CFAP46: variants seen among roughly 807,000 people sequenced by gnomAD.
CFAP46 encodes the protein cilia- and flagella-associated protein 46.
CFAP46 carries 245 observed loss-of-function variants against 325.7 expected under a neutral mutation model. That is an observed-to-expected ratio of 0.75 (90% CI 0.68 to 0.84). The LOEUF is 0.84. Ranked by LOEUF, CFAP46 falls within the 40% of genes least tolerant of loss-of-function variation. The pLI is 0.00. For missense variants in CFAP46, 3,346 were observed against 3,543.0 expected (o/e 0.94, Z 1.41); for synonymous variants, 1,523 against 1,495.9 (o/e 1.02, Z -0.42).
chr10:132,890,625 C>G (rs981289083), intron 25 of CFAP46, among the ~76,000 whole-genome samples: 1 of 152,176 alleles, frequency 6.6e-6, no homozygotes, highest in Non-Finnish European at 1.5e-5. Context: ...TCTCCAAAAC[C>G]CTCGAGACCC....
At chr10:132,874,903 G>A (rs889023094) in intron 31 of CFAP46, among the ~76,000 whole-genome samples, 10 of 152,156 alleles carry the variant, frequency 6.6e-5, no homozygotes, top group East Asian at 5.8e-4. Context: ...ACCTCATACC[G>A]GAGGTCCTTG....
Position 132,899,658 on chromosome 10 carries a change from G to A in CFAP46, c.2933C>T (p.Ser978Phe). The change falls in exon 23 of 58, where the codon TCC (serine) becomes TTC (phenylalanine). Residue 978 changes from serine to phenylalanine, a missense_variant. By Grantham distance (155) the Ser-to-Phe change is radical (BLOSUM62 -2). Transcript: ENST00000368586. ...KYLKKFGPEESRLVAEMLCTA... is the reference protein window; with the variant it reads ...KYLKKFGPEEFRLVAEMLCTA... ...GCACAGCATCTCTGCCACCAGCCGG[G>A]ACTCCTCGCTGCAGGAACAGGGCCA... 1 of 1,549,298 alleles carries A rather than the reference G, an allele frequency of 6.5e-7. No individual in the cohort carries two copies. The highest frequency in any genetic ancestry group is 8.7e-7 in the Non-Finnish European group (1 of 1,146,360).
intron 55 of CFAP46, among the ~76,000 whole-genome samples, chr10:132,812,274 AG>A (rs976546383): frequency 6.6e-6 from 1 of 152,192 alleles, no homozygotes; most frequent in African/African-American, 2.4e-5. Flanking sequence ...TCCTGCCAAA[AG>A]CCCCCCCTGT....
At chr10:132,850,772 AC>A (rs1381262652) in intron 40 of CFAP46, among the ~76,000 whole-genome samples, 1 of 152,030 alleles carries the variant, frequency 6.6e-6, no homozygotes, top group Non-Finnish European at 1.5e-5. Context: ...TACATATTCA[AC>A]TTTTTTTTTT....
intron 23 of CFAP46, 147 bp from the exon 24 acceptor site, chr10:132,899,268 G>T (rs1849361045): frequency 4.9e-6 from 5 of 1,030,684 alleles, no homozygotes; most frequent in Non-Finnish European, 6.9e-6. Context: ...AGTCCCTGCT[G>T]CATCCTTTCC....
intron 44 of CFAP46, among the ~76,000 whole-genome samples, chr10:132,840,234 T>G (rs1466197660): frequency 1.3e-5 from 2 of 152,230 alleles, no homozygotes; most frequent in African/African-American, 4.8e-5. Context: ...AGTCCGGTGT[T>G]GCCTGTATTG....
chr10:132,824,060 CTGA>C lies in CFAP46; in HGVS notation c.7118-9149_7118-9147del, dbSNP rs1241377775. Among the ~76,000 whole-genome samples the C allele has an allele frequency of 1.4e-3, 149 of 105,164 alleles. 2 individuals carry two copies. The highest frequency in any genetic ancestry group is 2.2e-3 in the Non-Finnish European group (124 of 56,210). 69.0% of individuals were successfully genotyped at this position (105,164 alleles called of 152,430 possible). ...TGTGTGCTGATGTGTGCTGTGTGTG[CTGA>C]TGTGTGCTGATGTGTGCACTGTGTG... is the stretch of plus-strand genomic sequence containing the variant. On this transcript the variant is annotated intron_variant, in intron 50 of 57. Transcript: ENST00000368586.
At chr10:132,941,895 C>G (rs1850108894) in intron 2 of CFAP46, 85 bp downstream of exon 2, 2 of 1,526,970 alleles carry the variant, frequency 1.3e-6, no homozygotes, top group Non-Finnish European at 1.8e-6. Context: ...CTCTCCCCAG[C>G]CCCACTCTGC....
chr10:132,826,110 C>CGGAGCCAGGCAGGAGCCAGAGCCAT (rs1564768794), intron 50 of CFAP46, among the ~76,000 whole-genome samples: 1 of 122,690 alleles, frequency 8.2e-6, no homozygotes, highest in Non-Finnish European at 1.7e-5. Flanking sequence ...AGACCAGCCA[C>CGGAGCCAGGCAGGAGCCAGAGCCAT]GGAGCCAGGC....
intron 8 of CFAP46, among the ~76,000 whole-genome samples, chr10:132,934,141 C>G (rs1204951414): frequency 6.6e-6 from 1 of 152,196 alleles, no homozygotes; most frequent in Non-Finnish European, 1.5e-5. Flanking sequence ...GAAAACCAAA[C>G]AGATAATTTC....
chr10:132,815,020 A>G (rs1047205596), intron 50 of CFAP46, 106 bp from the exon 51 acceptor site: 2 of 1,015,418 alleles, frequency 2.0e-6, no homozygotes, highest in African/African-American at 3.2e-5. Context: ...CTTAAATGAA[A>G]AAAAAAACAA....
chr10:132,873,086 T>C (rs1028314680), intron 31 of CFAP46, among the ~76,000 whole-genome samples: 1 of 152,264 alleles, frequency 6.6e-6, no homozygotes, highest in Non-Finnish European at 1.5e-5. Flanking sequence ...CACCCAAGTA[T>C]GAAGATCCTC....
At chr10:132,897,758 TG>T (rs1250878180) in intron 24 of CFAP46, among the ~76,000 whole-genome samples, 1 of 152,188 alleles carries the variant, frequency 6.6e-6, no homozygotes, top group Non-Finnish European at 1.5e-5. Flanking sequence ...CCAGGCTTCC[TG>T]GGGGAGCCAG....
chr10:132,816,422 C>T (rs954770249), intron 50 of CFAP46, among the ~76,000 whole-genome samples: 1 of 151,056 alleles, frequency 6.6e-6, no homozygotes, highest in African/African-American at 2.4e-5. Flanking sequence ...AGCTCCACCT[C>T]CCGGGTTCAC....
intron 31 of CFAP46, among the ~76,000 whole-genome samples, chr10:132,875,815 A>G (rs976315993): frequency 6.6e-6 from 1 of 151,448 alleles, no homozygotes; most frequent in Non-Finnish European, 1.5e-5. Context: ...AAATGAAAAC[A>G]TCAAAAAAAA....
In CFAP46 at chr10:132,889,633, C is replaced by T. The variant is rs952915761; in HGVS notation, c.3304+2700G>A. Among the ~76,000 whole-genome samples the T allele has an allele frequency of 6.6e-6, 1 of 152,188 alleles. No individual in the cohort carries two copies. The highest frequency in any genetic ancestry group is 2.4e-5 in the African/African-American group (1 of 41,446). Reference sequence around the variant, plus strand: ...TGTGACCTCCTGATTGACCCACAGCCATGTCCTGGGACCACCCAGTACACA... The same window carrying T: ...TGTGACCTCCTGATTGACCCACAGCTATGTCCTGGGACCACCCAGTACACA... On this transcript the variant is annotated intron_variant, in intron 25 of 57. Transcript: ENST00000368586. The surrounding 1 kb of genome is among the most constrained non-coding windows in gnomAD (Gnocchi z 6.0).
Position 132,876,334 on chromosome 10 carries a change from T to A in CFAP46, c.4362+478A>T, listed in dbSNP as rs530589365. Among the ~76,000 whole-genome samples, 1 of 152,324 alleles carries A rather than the reference T, an allele frequency of 6.6e-6. No individual in the cohort carries two copies. The highest frequency in any genetic ancestry group is 2.1e-4 in the South Asian group (1 of 4,828). ...TCCAGGTGTGCCCTAAATGCAATTCTGTGGGAGGGAGCGGGAGATTTGATC... is the reference window on the plus strand; with the variant it reads ...TCCAGGTGTGCCCTAAATGCAATTCAGTGGGAGGGAGCGGGAGATTTGATC... On this transcript the variant is annotated intron_variant, in intron 31 of 57. Transcript: ENST00000368586. The surrounding 1 kb of genome is among the most constrained non-coding windows in gnomAD (Gnocchi z 4.1).
At chr10:132,908,983 C>T (rs1849500349) in intron 21 of CFAP46, among the ~76,000 whole-genome samples, 154 bp downstream of exon 21, 2 of 152,064 alleles carry the variant, frequency 1.3e-5, no homozygotes, top group Admixed American at 6.5e-5. Context: ...GGAAGTGCGT[C>T]GAGGGGGCGC....
intron 22 of CFAP46, among the ~76,000 whole-genome samples, chr10:132,902,054 C>T (rs964110167): frequency 6.6e-6 from 1 of 152,190 alleles, no homozygotes; most frequent in African/African-American, 2.4e-5. Context: ...ACTACAATTC[C>T]CCCACGATGG....
Sources: allele counts gnomAD v4.1 joint callset (sites outside exome capture counted in the v4.1 genomes callset), GRCh38; gene constraint gnomAD v4.1.1; non-coding constraint Gnocchi (gnomAD v3.1); transcripts MANE v1.5; gene names NCBI Gene and HGNC (gene_info 2026-07-23, HGNC 2026-07-21).